TUSC3: variants seen among roughly 807,000 people sequenced by gnomAD.
TUSC3 encodes dolichyl-diphosphooligosaccharide--protein glycosyltransferase subunit TUSC3.
TUSC3 carries 45 observed loss-of-function variants against 44.8 expected under a neutral mutation model. The observed-to-expected ratio is 1.00, with a 90% CI of 0.79 to 1.29. The LOEUF is 1.29. Ranked by LOEUF, TUSC3 falls within the 50% of genes most tolerant of loss-of-function variation. TUSC3 has a pLI of 0.00. For missense variants in TUSC3, 519 were observed against 437.9 expected (o/e 1.19, Z -1.65); for synonymous variants, 212 against 152.9 (o/e 1.39, Z -2.85).
intron 5 of TUSC3, among the ~76,000 whole-genome samples, chr8:15,671,333 A>C (rs1370868196): frequency 1.3e-5 from 2 of 152,024 alleles, no homozygotes; most frequent in African/African-American, 4.8e-5. Flanking sequence ...AAATAAAAAT[A>C]TTTTAGTCAA....
chr8:15,568,543 CATTT>C (rs1428686677), intron 1 of TUSC3, among the ~76,000 whole-genome samples: 2 of 151,768 alleles, frequency 1.3e-5, no homozygotes, highest in African/African-American at 4.8e-5. Flanking sequence ...ACATGAAAGA[CATTT>C]ATAACTTCTT....
chr8:15,567,686 A>T (rs1001037273), intron 1 of TUSC3, among the ~76,000 whole-genome samples: 7 of 152,146 alleles, frequency 4.6e-5, no homozygotes, highest in Non-Finnish European at 1.0e-4. Context: ...TGGGATAGAT[A>T]CTAGGGTGAA....
the TUSC3 span, among the ~76,000 whole-genome samples, chr8:15,839,629 C>T: frequency 6.6e-6 from 1 of 152,160 alleles, no homozygotes; most frequent in East Asian, 1.9e-4. Context: ...TGACAAAATG[C>T]TCATCATCAC....
the TUSC3 span, among the ~76,000 whole-genome samples, chr8:15,786,343 A>G: frequency 6.6e-6 from 1 of 152,242 alleles, no homozygotes; most frequent in Non-Finnish European, 1.5e-5. Context: ...ATTCATCTAA[A>G]GGTACAGTCT....
In TUSC3 at chr8:15,512,618, C is replaced by G. The variant is rs182079321; in HGVS notation, n.189+29135C>G. Among the ~76,000 whole-genome samples the G allele has an allele frequency of 3.6e-3, 549 of 152,046 alleles. 2 individuals carry two copies. Among genetic ancestry groups the G allele is most frequent in the Non-Finnish European group, 4.0e-3 (273 of 67,976 alleles). ...GAAAACCCCGTCTCTACTAAAAATA[C>G]AAAAATTAGCTTGGCATGGTGGTAC... On this transcript the variant is annotated intron_variant and non_coding_transcript_variant, in intron 2 of 5. Transcript: ENST00000503191.
chr8:15,509,075 A>C (rs182919800), intron 2 of TUSC3, among the ~76,000 whole-genome samples: 52 of 152,320 alleles, frequency 3.4e-4, no homozygotes, highest in African/African-American at 1.2e-3. Context: ...GAGGAATGAG[A>C]GAAGAAGCTG....
the TUSC3 span, among the ~76,000 whole-genome samples, chr8:15,787,350 A>AC: frequency 1.3e-5 from 2 of 152,338 alleles, no homozygotes; most frequent in East Asian, 3.9e-4. Context: ...TGACAATAAG[A>AC]CTAGGCATGG....
intron 3 of TUSC3, among the ~76,000 whole-genome samples, chr8:15,658,622 A>G (rs886497588): frequency 1.6e-5 from 2 of 125,612 alleles, no homozygotes; most frequent in Admixed American, 8.2e-5. Context: ...TAATTCGTGT[A>G]TATATACACA....
rs1429590432 is a variant in TUSC3 at position 15,447,449 on chromosome 8, T to C, written n.91+30144T>C. ...AGTTTAAATTACTTCATTATGAAAC[T>C]AAAAATGAATGTTAAAAAGTTTCCT... is the stretch of plus-strand genomic sequence containing the variant. On this transcript the variant is annotated intron_variant and non_coding_transcript_variant, in intron 1 of 5. Transcript: ENST00000503191. Among the ~76,000 whole-genome samples, 7 of 152,112 alleles carry C rather than the reference T, an allele frequency of 4.6e-5. No individual in the cohort carries two copies. In the East Asian group the frequency reaches 1.3e-3, roughly 29 times the overall value.
At chr8:15,661,656 G>A (rs1807432929) in intron 4 of TUSC3, among the ~76,000 whole-genome samples, 1 of 151,858 alleles carries the variant, frequency 6.6e-6, no homozygotes, top group Admixed American at 6.6e-5. Flanking sequence ...TAATTAATAA[G>A]CTGTCTATGT....
At chr8:15,832,604 G>A in the TUSC3 span, among the ~76,000 whole-genome samples, 1 of 152,040 alleles carries the variant, frequency 6.6e-6, no homozygotes, top group Non-Finnish European at 1.5e-5. Context: ...CCAAGCAAAT[G>A]GAGAACAGAA....
intron 1 of TUSC3, among the ~76,000 whole-genome samples, chr8:15,618,117 C>A (rs941881252): frequency 6.6e-6 from 1 of 152,140 alleles, no homozygotes; most frequent in Admixed American, 6.5e-5. Context: ...ATGAATGGAG[C>A]TTTCAGGCCT....
chr8:15,799,411 C>T, the TUSC3 span, among the ~76,000 whole-genome samples: 1 of 152,150 alleles, frequency 6.6e-6, no homozygotes, highest in African/African-American at 2.4e-5. Flanking sequence ...AATCTTAGTA[C>T]AAGTTGCTAT....
the TUSC3 span, among the ~76,000 whole-genome samples, chr8:15,804,091 T>C: frequency 3.3e-5 from 5 of 152,304 alleles, no homozygotes; most frequent in African/African-American, 1.2e-4. Context: ...GGTCAAATGG[T>C]ATTTCTGGTT....
At chr8:15,840,220 C>T in the TUSC3 span, among the ~76,000 whole-genome samples, 1 of 151,902 alleles carries the variant, frequency 6.6e-6, no homozygotes, top group African/African-American at 2.4e-5. Context: ...CACACTGGGA[C>T]TTGTTGTGGG....
chr8:15,606,618 A>G (rs1488234106), intron 1 of TUSC3, among the ~76,000 whole-genome samples: 1 of 152,096 alleles, frequency 6.6e-6, no homozygotes, highest in Non-Finnish European at 1.5e-5. Context: ...GTCTTGTTTC[A>G]TACCATGTTA....
chr8:15,808,149 G>A, the TUSC3 span, among the ~76,000 whole-genome samples: 47 of 152,170 alleles, frequency 3.1e-4, no homozygotes, highest in Admixed American at 8.5e-4. Context: ...TTTGTTTTCT[G>A]ACCAGTATTA....
At chr8:15,579,049 G>A (rs1210662108) in intron 1 of TUSC3, among the ~76,000 whole-genome samples, 2 of 151,916 alleles carry the variant, frequency 1.3e-5, no homozygotes, top group Non-Finnish European at 2.9e-5. Context: ...TCTTGGGAGA[G>A]TGTATGTGTT....
At chr8:15,735,871 T>A (rs73197178) in intron 7 of TUSC3, among the ~76,000 whole-genome samples, 29,137 of 74,718 alleles carry the variant, frequency 0.39, 3,633 homozygotes, top group Non-Finnish European at 0.46. Context: ...GGCTAATGGG[T>A]TTTTTTTTTT....
Sources: allele counts gnomAD v4.1 joint callset (sites outside exome capture counted in the v4.1 genomes callset), GRCh38; gene constraint gnomAD v4.1.1; transcripts MANE v1.5; gene names NCBI Gene and HGNC (gene_info 2026-07-23, HGNC 2026-07-21).